The following ZSWIM6 variants were observed in gnomAD, a reference collection of about 807,000 sequenced individuals.
The protein encoded by ZSWIM6 is zinc finger SWIM domain-containing protein 6.
A neutral mutation model predicts 113.2 loss-of-function variants in ZSWIM6; 9 were observed. That is an observed-to-expected ratio of 0.08 (90% CI 0.05 to 0.14). The LOEUF is 0.14. Ranked by LOEUF, ZSWIM6 falls within the 10% of genes least tolerant of loss-of-function variation. The pLI is 1.00. For synonymous variants in ZSWIM6, 611 were observed against 606.5 expected, an observed-to-expected ratio of 1.01 and a Z score of -0.11; for missense variants, 1,162 against 1,552.2, an observed-to-expected ratio of 0.75 and a Z score of 4.22.
In ZSWIM6 at chr5:61,494,241, G is replaced by T. The variant is rs1355175855; in HGVS notation, c.1183-19G>T. On this transcript the variant is annotated intron_variant, in intron 3 of 13. Coordinates refer to ENST00000252744, the MANE Select transcript of ZSWIM6 (RefSeq NM_020928.2). ...TTTCGTTTTGAACAATTTTCTAAAGGTCTGTTTTTCCCCATTAGGTGCGGG... is the reference window on the plus strand; with the variant it reads ...TTTCGTTTTGAACAATTTTCTAAAGTTCTGTTTTTCCCCATTAGGTGCGGG... 6 of 1,546,898 alleles carry T rather than the reference G, an allele frequency of 3.9e-6. No individual in the cohort carries two copies. In the Admixed American group the frequency reaches 5.9e-5, roughly 15 times the overall value.
chr5:61,365,288 G>A (rs1183410833), intron 1 of ZSWIM6, among the ~76,000 whole-genome samples: 1 of 151,690 alleles, frequency 6.6e-6, no homozygotes, highest in Non-Finnish European at 1.5e-5. Flanking sequence ...GGAGGCAGAG[G>A]TTGCAGTGAG....
At chr5:61,482,142 A>G (rs1269652866) in intron 2 of ZSWIM6, among the ~76,000 whole-genome samples, 1 of 152,240 alleles carries the variant, frequency 6.6e-6, no homozygotes, top group Admixed American at 6.5e-5. Context: ...AGCCGTTAAC[A>G]AGTAGACATA....
chr5:61,504,301 T>G (rs1054382063), intron 4 of ZSWIM6, among the ~76,000 whole-genome samples: 4 of 152,232 alleles, frequency 2.6e-5, no homozygotes, highest in African/African-American at 9.6e-5. Context: ...AGGGCAATGA[T>G]TCTCCCTTGC....
rs993835546 is a variant in ZSWIM6 at position 61,333,148 on chromosome 5, G to A, written c.676+200G>A. 9.9e-5 allele frequency among the ~76,000 whole-genome samples: 15 copies of A among 151,716 alleles called. No individual in the cohort carries two copies. The South Asian group carries it at 1.5e-3, about 15-fold the overall frequency. On this transcript the variant is annotated intron_variant, in intron 1 of 13. Transcript: ENST00000252744. Reference sequence around the variant, plus strand: ...TTCCCTGCCCCCCGTCGCCCCGGACGGGCCAGCGCGAGTGGGAAATGAATC... The same window carrying A: ...TTCCCTGCCCCCCGTCGCCCCGGACAGGCCAGCGCGAGTGGGAAATGAATC...
intron 13 of ZSWIM6, among the ~76,000 whole-genome samples, chr5:61,542,301 G>T (rs1222287279): frequency 6.6e-6 from 1 of 152,168 alleles, no homozygotes; most frequent in African/African-American, 2.4e-5. Flanking sequence ...CATACATCAT[G>T]GTATCCAGCA....
intron 2 of ZSWIM6, among the ~76,000 whole-genome samples, chr5:61,486,278 A>C (rs1748019309): frequency 6.6e-6 from 1 of 152,066 alleles, no homozygotes; most frequent in South Asian, 2.1e-4. Context: ...TGCTGCATGG[A>C]TGTGATTTCA....
chr5:61,361,464 G>A (rs1745031263), intron 1 of ZSWIM6, among the ~76,000 whole-genome samples: 1 of 152,068 alleles, frequency 6.6e-6, no homozygotes, highest in African/African-American at 2.4e-5. Context: ...CATACTAATT[G>A]TCCTGAGCAG....
intron 1 of ZSWIM6, among the ~76,000 whole-genome samples, chr5:61,422,578 AT>A (rs970374278): frequency 1.3e-5 from 2 of 151,178 alleles, no homozygotes; most frequent in Non-Finnish European, 3.0e-5. Flanking sequence ...AAAGTTTAGG[AT>A]TTTTTTTTCT....
At chr5:61,507,663 C>T (rs963144645) in intron 4 of ZSWIM6, among the ~76,000 whole-genome samples, 1 of 152,050 alleles carries the variant, frequency 6.6e-6, no homozygotes, top group African/African-American at 2.4e-5. Context: ...TTAATTTAAG[C>T]TATTTGTAGA....
chr5:61,353,914 G>A (rs1392629533), intron 1 of ZSWIM6, among the ~76,000 whole-genome samples: 2 of 152,214 alleles, frequency 1.3e-5, no homozygotes. Flanking sequence ...GCACAACTTC[G>A]AGTTCTTGTG....
In ZSWIM6 at chr5:61,543,607, G is replaced by T. The variant is rs547354557; in HGVS notation, c.2938G>T (p.Ala980Ser). The T allele has an allele frequency of 1.9e-6, 3 of 1,551,708 alleles. No individual in the cohort carries two copies. Among genetic ancestry groups the T allele is most frequent in the Non-Finnish European group, 2.6e-6 (3 of 1,147,022 alleles). The change falls in exon 14 of 14, where the codon GCC becomes TCC. Residue 980 changes from alanine to serine, a missense_variant. Ala to Ser is a moderately conservative substitution (Grantham distance 99). Around this residue, in one of 4 missense-constraint regions of ZSWIM6, gnomAD observed 620 missense variants for 804.6 expected, o/e 0.77. Transcript: ENST00000252744. The surrounding 1 kb of genome is among the most constrained non-coding windows in gnomAD (Gnocchi z 4.3). ...CCAGCAGGAAAAGCTGGCCAGCAGCGCCCGGACACTTGCACTGCAGTGTGC... is the reference window on the plus strand; with the variant it reads ...CCAGCAGGAAAAGCTGGCCAGCAGCTCCCGGACACTTGCACTGCAGTGTGC... The part of the protein sequence containing the change: ...CHQQEKLASS[A>S]RTLALQCAMK...
chr5:61,509,875 A>AT (rs1051035003), intron 4 of ZSWIM6, among the ~76,000 whole-genome samples: 1 of 151,960 alleles, frequency 6.6e-6, no homozygotes, highest in African/African-American at 2.4e-5. Context: ...ATTCAGAGTG[A>AT]TTTTGAGTGA....
At chr5:61,496,947 C>G (rs1748333636) in intron 4 of ZSWIM6, among the ~76,000 whole-genome samples, 1 of 151,958 alleles carries the variant, frequency 6.6e-6, no homozygotes, top group East Asian at 1.9e-4. Flanking sequence ...ACTTGTCAAC[C>G]CTAAACCAAG....
At chr5:61,454,359 T>C (rs913315076) in intron 1 of ZSWIM6, among the ~76,000 whole-genome samples, 5 of 151,802 alleles carry the variant, frequency 3.3e-5, no homozygotes, top group South Asian at 2.1e-4. Flanking sequence ...AGGCTCAAGC[T>C]ATCCTCCTGC....
chr5:61,379,222 A>T (rs1745431032), intron 1 of ZSWIM6, among the ~76,000 whole-genome samples: 1 of 150,822 alleles, frequency 6.6e-6, no homozygotes, highest in Non-Finnish European at 1.5e-5. Flanking sequence ...ATGTAAAAAG[A>T]TAAATAAAGA....
At chr5:61,453,349 T>C (rs1314052586) in intron 1 of ZSWIM6, among the ~76,000 whole-genome samples, 1 of 151,490 alleles carries the variant, frequency 6.6e-6, no homozygotes, top group Non-Finnish European at 1.5e-5. Context: ...TGTTTTGTGG[T>C]GAGAACACTT....
At chr5:61,516,443 C>CAT (rs368539108) in intron 4 of ZSWIM6, among the ~76,000 whole-genome samples, 10,022 of 140,846 alleles carry the variant, frequency 0.071, 617 homozygotes, top group South Asian at 0.18. Flanking sequence ...CAAAAATATA[C>CAT]ATATATATAT....
intron 3 of ZSWIM6, 135 bp downstream of exon 3, chr5:61,491,069 TTTGTA>T (rs1206385819): frequency 2.5e-6 from 2 of 802,070 alleles, no homozygotes; most frequent in Non-Finnish European, 3.5e-6. Flanking sequence ...AATAGAAACT[TTTGTA>T]TTGTAATGCA....
chr5:61,472,610 A>G lies in ZSWIM6; in HGVS notation c.677-71A>G. 8.1e-7 allele frequency: 1 copy of G among 1,236,432 alleles called. No individual in the cohort carries two copies. Among genetic ancestry groups the G allele is most frequent in the Non-Finnish European group, 1.1e-6 (1 of 920,772 alleles). The allele number at this position is 1,236,432 out of a possible 1,614,324, so 76.6% of individuals were successfully genotyped here. ...GCTGCTGTCAAGTCCCACACATTTC[A>G]AAGAATTAGAGCATTTCATAGCATC... On this transcript the variant is annotated intron_variant, in intron 1 of 13. Transcript: ENST00000252744. This position sits in a 1 kb window ranked among gnomAD's most constrained non-coding sequence, Gnocchi z 4.1.
Sources: gnomAD v4.1 joint callset for allele counts (sites outside exome capture counted in the v4.1 genomes callset) on GRCh38, gnomAD v4.1.1 for gene constraint, gnomAD v4.1.1 regional missense constraint, Gnocchi (gnomAD v3.1) non-coding constraint, MANE v1.5 for transcripts, NCBI Gene and HGNC (gene_info 2026-07-23, HGNC 2026-07-21) for gene names.